BRWD1: variants seen among roughly 807,000 people sequenced by gnomAD.
The protein encoded by BRWD1 is bromodomain and WD repeat-containing protein 1.
BRWD1 carries 82 observed loss-of-function variants against 251.2 expected under a neutral mutation model. The observed-to-expected ratio is 0.33, with a 90% confidence interval of 0.27 to 0.39. BRWD1 has a LOEUF of 0.39. BRWD1 is among the 10% of genes least tolerant of loss of function. BRWD1 has a pLI of 1.00. For missense variants in BRWD1, 2,233 were observed against 2,711.6 expected (o/e 0.82, Z 3.92); for synonymous variants, 918 against 902.8 (o/e 1.02, Z -0.30).
downstream of BRWD1, chr21:39,185,272 TTC>T (rs1321198203): frequency 2.4e-5 from 3 of 124,578 alleles, no homozygotes; most frequent in Non-Finnish European, 3.4e-5. Flanking sequence ...AAAGCTTAAA[TTC>T]TTTCATTACA....
Position 39,189,820 on chromosome 21 carries a change from T to C in BRWD1, c.*6439A>G. The C allele has an allele frequency of 1.0e-6, 1 of 985,312 alleles. No individual in the cohort carries two copies. Among genetic ancestry groups the C allele is most frequent in the Non-Finnish European group, 1.2e-6 (1 of 829,872 alleles). The allele number at this position is 985,312 out of a possible 1,614,324, so 61.0% of individuals were successfully genotyped here. On this transcript the variant is annotated 3_prime_UTR_variant, in exon 41 of 41. Transcript: ENST00000342449. ...TTCAGGGTTAGAAGTCAAATTTGTG[T>C]GTTAGGGTACAAGCTTAAGAACTCT... is the stretch of plus-strand genomic sequence containing the variant.
intron 37 of BRWD1, among the ~76,000 whole-genome samples, chr21:39,203,758 C>T (rs948691671): frequency 3.3e-5 from 5 of 150,762 alleles, no homozygotes; most frequent in African/African-American, 4.9e-5. Context: ...GGTATCTAGA[C>T]ATTGAAGCTT....
intron 11 of BRWD1, 66 bp downstream of exon 11, chr21:39,277,185 C>T (rs1235685960): frequency 4.4e-6 from 5 of 1,124,938 alleles, no homozygotes; most frequent in Non-Finnish European, 6.3e-6. Context: ...AATAACAATG[C>T]CCCTTAGCAA....
At chr21:39,228,996 T>A (rs117590052) in intron 26 of BRWD1, among the ~76,000 whole-genome samples, 1 of 152,114 alleles carries the variant, frequency 6.6e-6, no homozygotes, top group Non-Finnish European at 1.5e-5. Flanking sequence ...GTGTAGGAAA[T>A]TATTTATTCT....
At chr21:39,184,499 T>G (rs952553084), downstream of BRWD1, 3 of 152,340 alleles carry the variant, frequency 2.0e-5, no homozygotes, top group Admixed American at 2.0e-4. Flanking sequence ...CTAGATTTAG[T>G]TGTACCGAAA....
At chr21:39,212,857 T>G (rs1232329638) in intron 33 of BRWD1, 150 bp from the exon 34 acceptor site, 1 of 548,278 alleles carries the variant, frequency 1.8e-6, no homozygotes. Flanking sequence ...TACCAGATGA[T>G]CTTTGTGGCA....
At chr21:39,296,119 A>G in intron 6 of BRWD1, 146 bp downstream of exon 6, 1 of 655,534 alleles carries the variant, frequency 1.5e-6, no homozygotes, top group East Asian at 3.3e-5. Flanking sequence ...AATTATTTTA[A>G]CAATAATTTG....
rs746954416 is a variant in BRWD1, at chr21:39,199,077, T to C, written c.5339A>G (p.Gln1780Arg). ...TGAGATGCTCTCTGCCTTAAGTTTC[T>C]GCACAGACGTTGATGGGCCAGCAGT... ...NRTAGPSTSV[Q>R]KLKAESISEE... The change falls in exon 40 of 41, where the codon CAG becomes CGG. Residue 1780 changes from glutamine (Q) to arginine (R), a missense_variant. Gln to Arg is a conservative substitution (Grantham distance 43). Transcript: ENST00000342449. 8 of 1,614,052 alleles carry C rather than the reference T, an allele frequency of 5.0e-6. No homozygotes were observed. The highest frequency in any genetic ancestry group is 4.4e-5 in the South Asian group (4 of 91,078).
At chr21:39,223,749 G>A (rs1342891199) in intron 29 of BRWD1, among the ~76,000 whole-genome samples, 2 of 152,210 alleles carry the variant, frequency 1.3e-5, no homozygotes, top group African/African-American at 4.8e-5. Flanking sequence ...TAAAGCAGAA[G>A]ACAGATGGAA....
In BRWD1 at chr21:39,290,468, G is replaced by T. The variant is rs1048483299; in HGVS notation, c.831+3343C>A. Among the ~76,000 whole-genome samples, 3 of 149,414 alleles carry T rather than the reference G, an allele frequency of 2.0e-5. No homozygotes were observed. The South Asian group carries it at 6.3e-4, about 32-fold the overall frequency. On this transcript the variant is annotated intron_variant, in intron 8 of 40. Transcript: ENST00000342449. ...ATTGCGCCACTGCACTCCAGCCTGG[G>T]CAACAGAGCAAGACTCCGTCTCAAA...
At chr21:39,244,921 A>ACTATATATATATATATATAT (rs2034125656) in intron 21 of BRWD1, among the ~76,000 whole-genome samples, 1 of 112,524 alleles carries the variant, frequency 8.9e-6, no homozygotes, top group African/African-American at 3.0e-5. Context: ...CTTTGGAAGA[A>ACTATATATATATATATATAT]ATATATATAT....
chr21:39,230,097 A>G (rs1210027169), intron 25 of BRWD1, among the ~76,000 whole-genome samples: 7 of 152,350 alleles, frequency 4.6e-5, no homozygotes, highest in Admixed American at 3.3e-4. Context: ...TAAGCATTCT[A>G]CTTATTCATA....
chr21:39,277,257 G>T lies in BRWD1; in HGVS notation c.1098C>A (p.Ser366Arg). 1 of 1,604,868 alleles carries T rather than the reference G, an allele frequency of 6.2e-7. No homozygotes were observed. The highest frequency in any genetic ancestry group is 8.5e-7 in the Non-Finnish European group (1 of 1,172,848). ...EAPEKIAELE[S>R]HTDKVDSIQF... is the part of the protein sequence containing the mutation. Reference sequence around the variant, plus strand: ...TTAAAACGTGGATGCTTACAGTGTGGCTTTCAAGTTCTGCGATTTTTTCGG... The same window carrying T: ...TTAAAACGTGGATGCTTACAGTGTGTCTTTCAAGTTCTGCGATTTTTTCGG... The change falls in exon 11 of 41, where the codon AGC becomes AGA. Residue 366 changes from serine (S) to arginine (R), a missense_variant. By Grantham distance (110) the Ser-to-Arg change is moderately radical (BLOSUM62 -1). This residue lies in a region of BRWD1 where 315 missense variants were observed against 421.8 expected (regional missense o/e 0.75). Coordinates refer to ENST00000342449, the MANE Select transcript of BRWD1 (RefSeq NM_033656.4).
chr21:39,309,898 T>C (rs1003419860), intron 4 of BRWD1, among the ~76,000 whole-genome samples: 1 of 151,884 alleles, frequency 6.6e-6, no homozygotes, highest in African/African-American at 2.4e-5. Context: ...ATATTGGCAC[T>C]TGATGATATA....
rs1363930420 is a variant in BRWD1 at position 39,186,768 on chromosome 21, T to G, written c.*9491A>C. On this transcript the variant is annotated 3_prime_UTR_variant, in exon 41 of 41. Coordinates refer to ENST00000342449, the MANE Select transcript of BRWD1 (RefSeq NM_033656.4). ...GGCCTTGCATTCTGGAAAGGAATAG[T>G]AGTCTTATAGCAGGCCATTTGTCTT... The G allele has an allele frequency of 8.7e-6, 3 of 343,390 alleles. No homozygotes were observed. Among genetic ancestry groups the G allele is most frequent in the Admixed American group, 4.6e-5 (1 of 21,536 alleles). The allele number at this position is 343,390 out of a possible 1,614,324, so 21.3% of individuals were successfully genotyped here.
chr21:39,236,826 T>C, intron 22 of BRWD1, 42 bp from the exon 23 acceptor site: 4 of 1,511,962 alleles, frequency 2.6e-6, no homozygotes, highest in Non-Finnish European at 3.6e-6. Context: ...AGCCAGAATA[T>C]AAGCACTGAT....
chr21:39,213,343 A>G, intron 33 of BRWD1, 138 bp downstream of exon 33: 1 of 743,210 alleles, frequency 1.3e-6, no homozygotes, highest in Non-Finnish European at 2.2e-6. Context: ...AGAAAATTCA[A>G]AAATATAATT....
At chr21:39,210,737 T>A in intron 35 of BRWD1, 49 bp downstream of exon 35, 1 of 1,544,996 alleles carries the variant, frequency 6.5e-7, no homozygotes, top group South Asian at 1.2e-5. Flanking sequence ...CCCAGTTTCC[T>A]CACTGCAAAA....
At chr21:39,260,478 T>C (rs7284002) in intron 17 of BRWD1, among the ~76,000 whole-genome samples, 151,269 of 152,314 alleles carry the variant, frequency 0.99, 75,120 homozygotes, top group East Asian at 1. Context: ...TAACTGTTAA[T>C]TTCTCAAATA....
Sources: allele counts gnomAD v4.1 joint callset (sites outside exome capture counted in the v4.1 genomes callset), GRCh38; gene constraint gnomAD v4.1.1; regional missense constraint gnomAD v4.1.1; transcripts MANE v1.5; gene names NCBI Gene and HGNC (gene_info 2026-07-23, HGNC 2026-07-21).